TBC1D22A: variants seen among roughly 807,000 people sequenced by gnomAD.
TBC1D22A encodes the protein TBC1 domain family member 22A.
A neutral mutation model predicts 60.2 loss-of-function variants in TBC1D22A; 38 were observed. That is an observed-to-expected ratio of 0.63 (90% CI 0.49 to 0.83). The LOEUF is 0.83. TBC1D22A is among the 40% of genes least tolerant of loss of function. The probability of loss-of-function intolerance (pLI) is 0.00; values close to 1 mark genes in which losing one functional copy is unlikely to be tolerated. For missense variants in TBC1D22A, 628 were observed against 701.0 expected (o/e 0.90, Z 1.18); for synonymous variants, 302 against 281.7 (o/e 1.07, Z -0.72).
At chr22:46,765,958 TGTGTG>T in intron 1 of TBC1D22A, among the ~76,000 whole-genome samples, 1 of 3,128 alleles carries the variant, frequency 3.2e-4, no homozygotes, top group African/African-American at 2.9e-3. Context: ...AGCTAATTTA[TGTGTG>T]TGTGTGTGTG....
chr22:47,171,105 C>T (rs58029156), intron 12 of TBC1D22A, among the ~76,000 whole-genome samples: 5,308 of 152,252 alleles, frequency 0.035, 287 homozygotes, highest in African/African-American at 0.12. Context: ...TGTGGAGAGC[C>T]TGCCATCCTT....
chr22:46,911,396 C>G (rs961577700), intron 7 of TBC1D22A, among the ~76,000 whole-genome samples: 3 of 152,060 alleles, frequency 2.0e-5, no homozygotes, highest in African/African-American at 7.3e-5. Flanking sequence ...ATCCACCCAC[C>G]CACCTGTCCA....
intron 8 of TBC1D22A, among the ~76,000 whole-genome samples, chr22:46,967,290 A>G (rs991282434): frequency 6.6e-6 from 1 of 152,226 alleles, no homozygotes; most frequent in Admixed American, 6.5e-5. Context: ...TGCCACTCTC[A>G]CCAAGGCAGG....
At chr22:46,954,227 C>G (rs1239782920) in intron 8 of TBC1D22A, among the ~76,000 whole-genome samples, 2 of 152,216 alleles carry the variant, frequency 1.3e-5, no homozygotes, top group Non-Finnish European at 2.9e-5. Context: ...TTCTTGCAGG[C>G]TGCGTGACTT....
chr22:47,075,900 A>G (rs1415879501), intron 11 of TBC1D22A, among the ~76,000 whole-genome samples: 1 of 152,206 alleles, frequency 6.6e-6, no homozygotes, highest in Non-Finnish European at 1.5e-5. Context: ...CAATAGCTAC[A>G]CTGATATCAG....
At chr22:47,043,594 G>A (rs1026585686) in intron 11 of TBC1D22A, among the ~76,000 whole-genome samples, 1 of 152,210 alleles carries the variant, frequency 6.6e-6, no homozygotes. Flanking sequence ...AGGGAAGATG[G>A]GGTGTGTTCA....
At chr22:46,763,205 GC>G (rs577134473) in intron 1 of TBC1D22A, 8 of 265,688 alleles carry the variant, frequency 3.0e-5, no homozygotes, top group Admixed American at 2.2e-4. Context: ...CCGGGCTGAG[GC>G]CCCCCGTCTG....
At chr22:46,989,737 G>C (rs1459881409) in intron 9 of TBC1D22A, among the ~76,000 whole-genome samples, 1 of 148,852 alleles carries the variant, frequency 6.7e-6, no homozygotes, top group Non-Finnish European at 1.5e-5. Flanking sequence ...AATATTAAGA[G>C]AATTGCCAAA....
At chr22:46,944,685 A>G (rs995669919) in intron 8 of TBC1D22A, among the ~76,000 whole-genome samples, 7 of 152,226 alleles carry the variant, frequency 4.6e-5, no homozygotes, top group Non-Finnish European at 2.9e-5. Context: ...GGCGTGAGCC[A>G]CCGTGCCCAG....
At position 46,918,250 on chromosome 22, in the gene TBC1D22A, G is replaced by T. The variant is rs183611151; in HGVS notation, c.1015+6062G>T. ...GTGGCCGCATCTCTGCTCTGTCCCT[G>T]TCCTAGGTTTGGAGAGAGGGAGATG... On this transcript the variant is annotated intron_variant, in intron 8 of 12. Coordinates refer to ENST00000337137, the MANE Select transcript of TBC1D22A (RefSeq NM_014346.5). 6.5e-3 allele frequency among the ~76,000 whole-genome samples: 992 copies of T among 152,336 alleles called. 21 individuals carry two copies. Among genetic ancestry groups the T allele is most frequent in the South Asian group, 0.055 (267 of 4,832 alleles).
chr22:47,063,367 G>A (rs2063646731), intron 11 of TBC1D22A, among the ~76,000 whole-genome samples: 1 of 152,190 alleles, frequency 6.6e-6, no homozygotes. Context: ...TAGGATTTGG[G>A]GAGATGGAAG....
At chr22:46,924,492 C>CA (rs2070933602) in intron 8 of TBC1D22A, among the ~76,000 whole-genome samples, 1 of 152,172 alleles carries the variant, frequency 6.6e-6, no homozygotes, top group African/African-American at 2.4e-5. Flanking sequence ...TGCGGTGGCT[C>CA]ACGCTTATAA....
At chr22:46,789,129 C>CT (rs11450774) in intron 1 of TBC1D22A, 64,455 of 136,084 alleles carry the variant, frequency 0.47, 16,348 homozygotes, top group Middle Eastern at 0.6. Flanking sequence ...TCCTTCTTTT[C>CT]TTTTTTTTTT....
In TBC1D22A at chr22:46,974,236, C is replaced by A; in HGVS notation, c.1016-54C>A. 2.0e-6 allele frequency: 3 copies of A among 1,482,818 alleles called. No homozygotes were observed. The South Asian group carries it at 3.6e-5, about 18-fold the overall frequency. 91.9% of individuals were successfully genotyped at this position (1,482,818 alleles called of 1,614,324 possible). ...TTCCTCCGTGGGCCCCCTCGTGGGT[C>A]GAGGTCCCGTGTGGCTAAGTCTCCT... is the stretch of plus-strand genomic sequence containing the variant. On this transcript the variant is annotated intron_variant, in intron 8 of 12. Transcript: ENST00000337137.
intron 11 of TBC1D22A, among the ~76,000 whole-genome samples, chr22:47,090,006 G>A (rs1353098704): frequency 2.6e-5 from 4 of 152,160 alleles, no homozygotes; most frequent in Admixed American, 1.3e-4. Flanking sequence ...CTTTGGCGTG[G>A]CATTCGCTCA....
intron 12 of TBC1D22A, among the ~76,000 whole-genome samples, chr22:47,160,966 C>T (rs1157125700): frequency 6.6e-6 from 1 of 152,142 alleles, no homozygotes; most frequent in East Asian, 1.9e-4. Flanking sequence ...GCCTTGGCTG[C>T]TCCCTGAGCC....
chr22:47,065,878 C>T (rs930943753), intron 11 of TBC1D22A, among the ~76,000 whole-genome samples: 2 of 152,070 alleles, frequency 1.3e-5, no homozygotes, highest in East Asian at 3.9e-4. Context: ...GAAGGAGGAT[C>T]GGGAGAAATG....
intron 1 of TBC1D22A, among the ~76,000 whole-genome samples, chr22:46,770,992 A>G (rs2083462181): frequency 6.6e-6 from 1 of 152,140 alleles, no homozygotes. Flanking sequence ...CTGTAGGTGC[A>G]GTTCCTTTTC....
At chr22:47,162,519 C>T (rs2068028127) in intron 12 of TBC1D22A, among the ~76,000 whole-genome samples, 1 of 152,204 alleles carries the variant, frequency 6.6e-6, no homozygotes, top group Admixed American at 6.5e-5. Flanking sequence ...GGTTTTCTTT[C>T]TTCCTTTGGC....
Sources: allele counts gnomAD v4.1 joint callset (sites outside exome capture counted in the v4.1 genomes callset), GRCh38; gene constraint gnomAD v4.1.1; transcripts MANE v1.5; gene names NCBI Gene and HGNC (gene_info 2026-07-23, HGNC 2026-07-21).